SMYD3: variants seen among roughly 807,000 people sequenced by gnomAD.
SMYD3 encodes SET and MYND domain containing 3, also known as histone-lysine N-methyltransferase SMYD3.
In SMYD3, 36 loss-of-function variants were observed where a neutral mutation model predicts 57.7. The ratio of observed to expected loss-of-function variants is 0.62; its 90% CI spans 0.48 to 0.82. The LOEUF (loss-of-function observed/expected upper bound fraction) is 0.82. Among genes scored for constraint, SMYD3 ranks in the 40% least tolerant of loss-of-function variants. The pLI is 0.00. For missense variants in SMYD3, 515 were observed against 538.8 expected (o/e 0.96, Z 0.44); for synonymous variants, 211 against 195.0 (o/e 1.08, Z -0.68).
rs1291400483 is a variant in SMYD3, at chr1:245,793,057, TC to T, written c.1077-28909del. The stretch of plus-strand genomic sequence containing the variant: ...CAGGCACAGTGGCTCATGCCTGTAA[TC>T]CCAGCACTTTGGGAGGCCGAGGCGG... On this transcript the variant is annotated intron_variant, in intron 10 of 11. Coordinates refer to ENST00000490107, the MANE Select transcript of SMYD3 (RefSeq NM_001167740.2). Among the ~76,000 whole-genome samples, 46 of 129,242 alleles carry T rather than the reference TC, an allele frequency of 3.6e-4. 1 individual carries two copies. Among genetic ancestry groups the T allele is most frequent in the Non-Finnish European group, 6.2e-4 (38 of 61,330 alleles). The allele number at this position is 129,242 out of a possible 152,430, so 84.8% of individuals were successfully genotyped here.
intron 5 of SMYD3, among the ~76,000 whole-genome samples, chr1:246,241,100 T>C (rs140309680): frequency 0.21 from 31,129 of 151,490 alleles, 3,883 homozygotes; most frequent in East Asian, 0.58. Flanking sequence ...TCCTGCCTGA[T>C]TGCCCTGGCC....
At chr1:246,124,611 A>G (rs2061476687) in intron 5 of SMYD3, among the ~76,000 whole-genome samples, 3 of 152,212 alleles carry the variant, frequency 2.0e-5, no homozygotes, top group African/African-American at 4.8e-5. Context: ...CAGTTTTCCA[A>G]CCTAATGAGA....
intron 10 of SMYD3, among the ~76,000 whole-genome samples, chr1:245,812,700 CCAAAA>C (rs1186067140): frequency 6.4e-5 from 3 of 46,588 alleles, no homozygotes; most frequent in South Asian, 7.0e-4. Flanking sequence ...AACAACAGTT[CCAAAA>C]AAAAAAAAAA....
chr1:245,840,363 C>T (rs1053113778), intron 10 of SMYD3, among the ~76,000 whole-genome samples: 8 of 151,966 alleles, frequency 5.3e-5, no homozygotes, highest in Non-Finnish European at 7.4e-5. Context: ...ACAGATCTTA[C>T]GAGACCGTGT....
At chr1:246,223,864 T>C (rs1030635794) in intron 5 of SMYD3, among the ~76,000 whole-genome samples, 1 of 152,158 alleles carries the variant, frequency 6.6e-6, no homozygotes, top group Admixed American at 6.5e-5. Flanking sequence ...AATTGCTAAA[T>C]TCTATAATTT....
intron 5 of SMYD3, among the ~76,000 whole-genome samples, chr1:245,962,389 C>T (rs140533726): frequency 1.6e-4 from 25 of 152,228 alleles, no homozygotes; most frequent in African/African-American, 4.8e-4. Flanking sequence ...TGTAGTTTTG[C>T]GGATGTTGAT....
chr1:246,409,529 G>A (rs2066926255), intron 1 of SMYD3, among the ~76,000 whole-genome samples: 1 of 152,078 alleles, frequency 6.6e-6, no homozygotes, highest in Admixed American at 6.6e-5. Flanking sequence ...TGTTCCATTG[G>A]TCTATCTCTC....
chr1:246,506,978 G>GCCCCCCCCCCCC, intron 1 of SMYD3, 76 bp downstream of exon 1: 6 of 1,174,498 alleles, frequency 5.1e-6, no homozygotes, highest in East Asian at 3.5e-5. Context: ...CGCGGCTGCC[G>GCCCCCCCCCCCC]GCCGCCCGAC....
intron 5 of SMYD3, among the ~76,000 whole-genome samples, chr1:246,291,250 A>C (rs1304037265): frequency 6.6e-6 from 1 of 152,232 alleles, no homozygotes; most frequent in Non-Finnish European, 1.5e-5. Context: ...TTCGCATACA[A>C]ATTTGCAATT....
intron 2 of SMYD3, among the ~76,000 whole-genome samples, chr1:246,340,980 C>A (rs908694452): frequency 1.3e-5 from 2 of 151,482 alleles, no homozygotes; most frequent in Non-Finnish European, 2.9e-5. Flanking sequence ...AGAGTGAGAC[C>A]CCAGGTCTCA....
chr1:246,074,913 TACACACACACACACACACAC>T (rs60103366), intron 5 of SMYD3, among the ~76,000 whole-genome samples: 5 of 148,314 alleles, frequency 3.4e-5, no homozygotes, highest in Admixed American at 1.3e-4. Flanking sequence ...GCTAAAGCAA[TACACACACACACACACACAC>T]ACACACACAC....
intron 1 of SMYD3, among the ~76,000 whole-genome samples, chr1:246,493,064 A>C (rs2068295538): frequency 6.6e-6 from 1 of 152,244 alleles, no homozygotes; most frequent in African/African-American, 2.4e-5. Context: ...CGAAGGGTAC[A>C]CTTAAATAAA....
chr1:246,496,278 C>A, intron 1 of SMYD3, among the ~76,000 whole-genome samples: 1 of 152,034 alleles, frequency 6.6e-6, no homozygotes, highest in Non-Finnish European at 1.5e-5. Flanking sequence ...TCGTGATCTG[C>A]CCGTCTCAGC....
intron 1 of SMYD3, among the ~76,000 whole-genome samples, chr1:246,454,896 C>A (rs1261859785): frequency 2.0e-5 from 3 of 152,150 alleles, no homozygotes; most frequent in Non-Finnish European, 2.9e-5. Flanking sequence ...GCTCTGTAGT[C>A]ACCTCTATTT....
At chr1:246,083,510 G>GGCGCGGGTCCCCCGTATGCTGA (rs2060676313) in intron 5 of SMYD3, among the ~76,000 whole-genome samples, 1 of 142,016 alleles carries the variant, frequency 7.0e-6, no homozygotes. Flanking sequence ...GGCTGGTGCC[G>GGCGCGGGTCCCCCGTATGCTGA]GCGCGGGTCC....
intron 5 of SMYD3, among the ~76,000 whole-genome samples, chr1:246,221,422 G>A (rs1422626508): frequency 1.3e-5 from 2 of 152,180 alleles, no homozygotes; most frequent in African/African-American, 4.8e-5. Context: ...ACACAAACAG[G>A]GCTAAAACAT....
At chr1:245,755,810 T>C (rs1201000687) in intron 11 of SMYD3, among the ~76,000 whole-genome samples, 1 of 152,094 alleles carries the variant, frequency 6.6e-6, no homozygotes, top group Non-Finnish European at 1.5e-5. Flanking sequence ...AGACAACATA[T>C]GCTTGAGTCA....
intron 5 of SMYD3, among the ~76,000 whole-genome samples, chr1:245,939,733 C>A (rs12040606): frequency 6.6e-6 from 1 of 152,128 alleles, no homozygotes; most frequent in African/African-American, 2.4e-5. Context: ...TCTCTAGTGT[C>A]TGCCTTCTCA....
intron 5 of SMYD3, among the ~76,000 whole-genome samples, chr1:246,074,146 G>A (rs1224166376): frequency 3.9e-5 from 6 of 152,088 alleles, no homozygotes; most frequent in Non-Finnish European, 1.5e-5. Flanking sequence ...TCCTTCCAGT[G>A]TGGCCCAGGG....
Sources: allele counts gnomAD v4.1 joint callset (sites outside exome capture counted in the v4.1 genomes callset), GRCh38; gene constraint gnomAD v4.1.1; transcripts MANE v1.5; gene names NCBI Gene and HGNC (gene_info 2026-07-23, HGNC 2026-07-21).